The following ALDH3A2 variants were observed in gnomAD, a reference collection of about 807,000 sequenced individuals.
ALDH3A2 encodes aldehyde dehydrogenase family 3 member A2.
ALDH3A2 carries 36 observed loss-of-function variants against 51.3 expected under a neutral mutation model. That is an observed-to-expected ratio of 0.70 (90% CI 0.54 to 0.93). The LOEUF is 0.93. ALDH3A2 is among the 40% of genes least tolerant of loss of function. The probability of loss-of-function intolerance (pLI) is 0.00; values close to 1 mark genes in which losing one functional copy is unlikely to be tolerated. For synonymous variants in ALDH3A2, 199 were observed against 219.8 expected, an observed-to-expected ratio of 0.91 and a Z score of 0.84; for missense variants, 552 against 603.1, an observed-to-expected ratio of 0.92 and a Z score of 0.89.
chr17:19,652,952 A>AT (rs2084837631), intron 3 of ALDH3A2, among the ~76,000 whole-genome samples: 1 of 152,096 alleles, frequency 6.6e-6, no homozygotes, highest in African/African-American at 2.4e-5. Flanking sequence ...TTATTTAATG[A>AT]GGGACTGGTA....
intron 2 of ALDH3A2, among the ~76,000 whole-genome samples, chr17:19,652,318 G>A (rs998228566): frequency 1.3e-5 from 2 of 152,154 alleles, no homozygotes; most frequent in East Asian, 1.9e-4. Context: ...TGGAGGAGTG[G>A]GAAAGGCTGC....
intron 1 of ALDH3A2, among the ~76,000 whole-genome samples, chr17:19,650,341 A>T (rs2084798631): frequency 6.6e-6 from 1 of 151,184 alleles, no homozygotes; most frequent in Non-Finnish European, 1.5e-5. Context: ...AAGTGCAGTG[A>T]CTCAATCATA....
intron 6 of ALDH3A2, among the ~76,000 whole-genome samples, chr17:19,663,048 C>T (rs2084987855): frequency 6.6e-6 from 1 of 152,042 alleles, no homozygotes; most frequent in South Asian, 2.1e-4. Context: ...GTATAATCTA[C>T]AGTTAAATAC....
chr17:19,659,928 G>C (rs1239990937), intron 5 of ALDH3A2, among the ~76,000 whole-genome samples: 1 of 152,038 alleles, frequency 6.6e-6, no homozygotes, highest in Non-Finnish European at 1.5e-5. Flanking sequence ...TAACTTGGGG[G>C]ATGAGGTGCT....
chr17:19,672,765 C>T (rs4925038), intron 9 of ALDH3A2, among the ~76,000 whole-genome samples: 41,803 of 151,792 alleles, frequency 0.28, 6,213 homozygotes, highest in East Asian at 0.52. Flanking sequence ...GAAAGGGGGC[C>T]GGCGCAGTGG....
rs760389717 is a variant in ALDH3A2 at position 19,671,964 on chromosome 17, C to T, written c.1443+8C>T. 3 of 1,611,346 alleles carry T rather than the reference C, an allele frequency of 1.9e-6. No homozygotes were observed. The highest frequency in any genetic ancestry group is 2.2e-5 in the South Asian group (2 of 91,006). On this transcript the variant is annotated splice_region_variant and intron_variant, in intron 9 of 9. Coordinates refer to ENST00000176643, the MANE Select transcript of ALDH3A2 (RefSeq NM_000382.3). The stretch of plus-strand genomic sequence containing the variant: ...GCCGCTGTGCTTGTCAAGGTGAGTC[C>T]CTATAACCCATGAGTGCCATTCAGT...
At chr17:19,668,079 A>G (rs2085063757) in intron 8 of ALDH3A2, among the ~76,000 whole-genome samples, 1 of 150,270 alleles carries the variant, frequency 6.7e-6, no homozygotes, top group Admixed American at 6.6e-5. Context: ...TTTTTTTACC[A>G]CTCTCATGAA....
Position 19,652,621 on chromosome 17 carries a change from T to C in ALDH3A2, c.460T>C (p.Tyr154His). The C allele has an allele frequency of 6.2e-7, 1 of 1,612,800 alleles. No homozygotes were observed. Among genetic ancestry groups the C allele is most frequent in the Non-Finnish European group, 8.5e-7 (1 of 1,178,752 alleles). The change falls in exon 3 of 10, where the codon TAT (tyrosine) becomes CAT (histidine). Residue 154 changes from tyrosine to histidine, a missense_variant. Tyr to His is a moderately conservative substitution (Grantham distance 83). Coordinates refer to ENST00000176643, the MANE Select transcript of ALDH3A2 (RefSeq NM_000382.3). ...GATCTTGGCAAAGCTTCTCCCTCAG[T>C]ATTTAGACCAGGTAAGAATTTCTTG... ...AKILAKLLPQ[Y>H]LDQDLYIVIN...
At position 19,648,788 on chromosome 17, in the gene ALDH3A2, A is replaced by T; in HGVS notation, c.-184A>T. ...GCGCCTCCGACTGGCAGTGGGACTC[A>T]GCGGGCGTGGAGGTCGCGGCTGAGC... On this transcript the variant is annotated 5_prime_UTR_variant, in exon 1 of 10. Coordinates refer to ENST00000176643, the MANE Select transcript of ALDH3A2 (RefSeq NM_000382.3). 1 of 782,200 alleles carries T rather than the reference A, an allele frequency of 1.3e-6. No individual in the cohort carries two copies. Among genetic ancestry groups the T allele is most frequent in the Non-Finnish European group, 2.0e-6 (1 of 492,446 alleles). The allele number at this position is 782,200 out of a possible 1,614,324, so 48.5% of individuals were successfully genotyped here.
chr17:19,675,473 C>T, intron 9 of ALDH3A2, 85 bp from the exon 10 acceptor site: 1 of 1,342,560 alleles, frequency 7.4e-7, no homozygotes, highest in Non-Finnish European at 1.1e-6. Context: ...GTCTGAGTCC[C>T]AGTGCTGAGC....
chr17:19,674,082 A>G (rs2085156847), intron 9 of ALDH3A2: 1 of 152,162 alleles, frequency 6.6e-6, no homozygotes, highest in Non-Finnish European at 1.5e-5. Context: ...ATTTGTTTTC[A>G]TTTTTAAAAA....
At chr17:19,648,690 T>C (rs551195428), upstream of ALDH3A2, 2 of 508,814 alleles carry the variant, frequency 3.9e-6, no homozygotes, top group Admixed American at 3.3e-5. Context: ...GGCGAGGCCG[T>C]GAACAGCGGC....
chr17:19,662,640 T>C (rs1247565779), intron 6 of ALDH3A2, among the ~76,000 whole-genome samples: 1 of 152,072 alleles, frequency 6.6e-6, no homozygotes, highest in African/African-American at 2.4e-5. Flanking sequence ...TGGACTAAGG[T>C]TTAGGGAATT....
intron 3 of ALDH3A2, among the ~76,000 whole-genome samples, chr17:19,653,811 T>G (rs1354963657): frequency 2.6e-5 from 4 of 152,202 alleles, no homozygotes; most frequent in Non-Finnish European, 4.4e-5. Context: ...CCTGCTTTTA[T>G]TCCCTTATCT....
Position 19,677,317 on chromosome 17 carries a change from A to G in ALDH3A2, c.*1745A>G, listed in dbSNP as rs147855017. 1 of 152,392 alleles carries G rather than the reference A, an allele frequency of 6.6e-6. No homozygotes were observed. Among genetic ancestry groups the G allele is most frequent in the East Asian group, 1.9e-4 (1 of 5,190 alleles). 9.4% of individuals were successfully genotyped at this position (152,392 alleles called of 1,614,324 possible). A position where few individuals can be genotyped will look rare whatever the true frequency, so the allele number is the denominator to read the frequency against. ...TCATAGTATGAAGTGTTGAAAATTA[A>G]TAACGAGCCTAGTTTAGGAAAAAGC... is the stretch of plus-strand genomic sequence containing the variant. On this transcript the variant is annotated 3_prime_UTR_variant, in exon 10 of 10. Transcript: ENST00000176643.
intron 9 of ALDH3A2, chr17:19,673,033 T>TC (rs2085139087): frequency 8.9e-6 from 12 of 1,345,642 alleles, no homozygotes; most frequent in Non-Finnish European, 1.2e-5. Flanking sequence ...AGAGCGAGAC[T>TC]CCATCTCAAC....
chr17:19,651,523 T>C, intron 1 of ALDH3A2, 24 bp from the exon 2 acceptor site: 1 of 1,575,228 alleles, frequency 6.3e-7, no homozygotes, highest in Non-Finnish European at 8.7e-7. Context: ...CTCTGCAAGA[T>C]TAACTGTGAT....
intron 5 of ALDH3A2, among the ~76,000 whole-genome samples, chr17:19,660,268 G>T (rs2084949454): frequency 6.6e-6 from 1 of 152,004 alleles, no homozygotes; most frequent in Non-Finnish European, 1.5e-5. Context: ...CTCGTCTGAG[G>T]CCTCCAGGTG....
intron 3 of ALDH3A2, among the ~76,000 whole-genome samples, chr17:19,653,774 G>C (rs2084853522): frequency 6.6e-6 from 1 of 152,214 alleles, no homozygotes; most frequent in Admixed American, 6.5e-5. Flanking sequence ...GGGGACCCGA[G>C]CAGGTTGCCG....
Sources: gnomAD v4.1 joint callset for allele counts (sites outside exome capture counted in the v4.1 genomes callset) on GRCh38, gnomAD v4.1.1 for gene constraint, MANE v1.5 for transcripts, NCBI Gene and HGNC (gene_info 2026-07-23, HGNC 2026-07-21) for gene names.